The following WDR25 variants were observed in gnomAD, a reference collection of about 807,000 sequenced individuals.
WDR25 encodes WD repeat-containing protein 25.
In WDR25, 35 loss-of-function variants were observed where a neutral mutation model predicts 47.7. The ratio of observed to expected loss-of-function variants is 0.73; its 90% CI spans 0.56 to 0.97. The LOEUF is 0.97. WDR25 is among the 50% of genes least tolerant of loss of function. The pLI is 0.00. For synonymous variants in WDR25, 248 were observed against 278.9 expected, an observed-to-expected ratio of 0.89 and a Z score of 1.10; for missense variants, 634 against 704.7, an observed-to-expected ratio of 0.90 and a Z score of 1.14.
In WDR25 at chr14:100,525,792, T is replaced by C; in HGVS notation, c.1102-78T>C. ...AACTTCACTAAACCTGCCTGCCCCC[T>C]GGGTCCTTGGCCTTCCCTGCATAGG... On this transcript the variant is annotated intron_variant, in intron 4 of 6. Transcript: ENST00000402312. This position sits in a 1 kb window ranked among gnomAD's most constrained non-coding sequence, Gnocchi z 4.6. The C allele has an allele frequency of 6.4e-7, 1 of 1,550,580 alleles. No individual in the cohort carries two copies. The highest frequency in any genetic ancestry group is 2.2e-4 in the Middle Eastern group (1 of 4,608).
intron 2 of WDR25, among the ~76,000 whole-genome samples, chr14:100,421,913 G>A (rs985717380): frequency 1.3e-5 from 2 of 152,162 alleles, no homozygotes; most frequent in African/African-American, 4.8e-5. Flanking sequence ...TCATTGGTGT[G>A]TGGGATTCCA....
chr14:100,435,552 CT>C (rs2140238313), intron 2 of WDR25, among the ~76,000 whole-genome samples: 1 of 152,330 alleles, frequency 6.6e-6, no homozygotes, highest in Admixed American at 6.5e-5. Flanking sequence ...GCTCACTCAG[CT>C]GTCTTGAAGT....
chr14:100,483,465 A>G (rs7146840), intron 3 of WDR25, among the ~76,000 whole-genome samples: 99,732 of 151,996 alleles, frequency 0.66, 33,147 homozygotes, highest in African/African-American at 0.74. Flanking sequence ...ATCGCCCAGC[A>G]TCTCAGGCCA....
chr14:100,492,185 A>G (rs1900588424), intron 4 of WDR25, among the ~76,000 whole-genome samples: 1 of 152,224 alleles, frequency 6.6e-6, no homozygotes, highest in Admixed American at 6.5e-5. Context: ...CTCAATATTC[A>G]GTGGATCCAT....
chr14:100,394,211 C>T (rs574890119), intron 2 of WDR25, among the ~76,000 whole-genome samples: 11 of 152,274 alleles, frequency 7.2e-5, no homozygotes, highest in African/African-American at 2.4e-4. Context: ...TAATCCGGTG[C>T]GCACCCAGTG....
At chr14:100,381,939 C>G (rs1441768678) in intron 2 of WDR25, 193 bp downstream of exon 2, 1 of 633,996 alleles carries the variant, frequency 1.6e-6, no homozygotes, top group African/African-American at 1.8e-5. Context: ...CCAACCCTTC[C>G]CTGATGCTGC....
intron 2 of WDR25, among the ~76,000 whole-genome samples, chr14:100,416,545 G>A (rs936211242): frequency 6.6e-6 from 1 of 152,066 alleles, no homozygotes; most frequent in Non-Finnish European, 1.5e-5. Flanking sequence ...ACCCTTTTAG[G>A]CCTTTTCCCT....
rs1385613796 is a variant in WDR25 at position 100,424,182 on chromosome 14, G to T, written c.822+42436G>T. Among the ~76,000 whole-genome samples, 5 of 152,200 alleles carry T rather than the reference G, an allele frequency of 3.3e-5. No homozygotes were observed. The highest frequency in any genetic ancestry group is 1.2e-4 in the African/African-American group (5 of 41,452). On this transcript the variant is annotated intron_variant, in intron 2 of 6. Transcript: ENST00000402312. The surrounding 1 kb of genome is among the most constrained non-coding windows in gnomAD (Gnocchi z 4.2). ...CGGGCGAGGCCTCCCAGGCTGGCTG[G>T]GTGAGTGTTCCTGAGCCCAGGCACT...
chr14:100,413,053 C>A (rs1282144689), intron 2 of WDR25, among the ~76,000 whole-genome samples: 1 of 152,192 alleles, frequency 6.6e-6, no homozygotes, highest in Non-Finnish European at 1.5e-5. Context: ...TGGTCCCAGA[C>A]TCCTAACCTC....
intron 2 of WDR25, among the ~76,000 whole-genome samples, chr14:100,429,904 T>G (rs1183426409): frequency 6.6e-6 from 1 of 152,086 alleles, no homozygotes; most frequent in Non-Finnish European, 1.5e-5. Flanking sequence ...AGGGCCTAAC[T>G]TATATGACCT....
intron 2 of WDR25, among the ~76,000 whole-genome samples, chr14:100,395,161 C>T (rs914463446): frequency 2.6e-5 from 4 of 152,152 alleles, no homozygotes; most frequent in Non-Finnish European, 5.9e-5. Context: ...CTGGGTCAGG[C>T]ACCACACAGG....
At chr14:100,507,493 C>A (rs1023445302) in intron 4 of WDR25, among the ~76,000 whole-genome samples, 1 of 152,028 alleles carries the variant, frequency 6.6e-6, no homozygotes, top group Non-Finnish European at 1.5e-5. Context: ...GTGCTTTGGG[C>A]AGTATGGTCA....
intron 2 of WDR25, among the ~76,000 whole-genome samples, chr14:100,433,878 A>G (rs1052905156): frequency 3.3e-5 from 5 of 152,150 alleles, no homozygotes; most frequent in African/African-American, 1.2e-4. Context: ...CCAGTCCTAG[A>G]ATCAGCCATC....
rs1206946333 is a variant in WDR25 at position 100,404,874 on chromosome 14, T to C, written c.822+23128T>C. Among the ~76,000 whole-genome samples the C allele has an allele frequency of 1.3e-5, 2 of 152,126 alleles. No homozygotes were observed. The highest frequency in any genetic ancestry group is 4.8e-5 in the African/African-American group (2 of 41,422). On this transcript the variant is annotated intron_variant, in intron 2 of 6. Coordinates refer to ENST00000402312, the MANE Select transcript of WDR25 (RefSeq NM_001161476.3). The surrounding 1 kb of genome is among the most constrained non-coding windows in gnomAD (Gnocchi z 4.6). ...GGGCCCATCCCTCCTGTGAGTGACATGGTTATTCCTTGTATCATTGTCTGA... is the reference window on the plus strand; with the variant it reads ...GGGCCCATCCCTCCTGTGAGTGACACGGTTATTCCTTGTATCATTGTCTGA...
At chr14:100,402,533 G>A (rs1464099551) in intron 2 of WDR25, among the ~76,000 whole-genome samples, 2 of 152,116 alleles carry the variant, frequency 1.3e-5, no homozygotes, top group African/African-American at 2.4e-5. Flanking sequence ...GGGGCCAGGG[G>A]TCCAAATGGG....
chr14:100,487,698 G>A (rs918856503), intron 4 of WDR25: 1 of 152,220 alleles, frequency 6.6e-6, no homozygotes, highest in African/African-American at 2.4e-5. Context: ...CCTTCAGTCA[G>A]GGGTGTATAA....
At chr14:100,433,886 A>G (rs1275864306) in intron 2 of WDR25, among the ~76,000 whole-genome samples, 1 of 152,152 alleles carries the variant, frequency 6.6e-6, no homozygotes, top group East Asian at 1.9e-4. Flanking sequence ...AGAATCAGCC[A>G]TCTCCAAGGA....
intron 2 of WDR25, among the ~76,000 whole-genome samples, chr14:100,417,228 G>A (rs180836292): frequency 1.3e-5 from 2 of 152,330 alleles, no homozygotes; most frequent in African/African-American, 2.4e-5. Context: ...TTACTTGTGC[G>A]TGTCTCCTGT....
At chr14:100,400,160 C>T (rs1311332604) in intron 2 of WDR25, among the ~76,000 whole-genome samples, 2 of 152,208 alleles carry the variant, frequency 1.3e-5, no homozygotes, top group Admixed American at 1.3e-4. Flanking sequence ...CACATTTCCT[C>T]CTCTGGAGGA....
Sources: allele counts gnomAD v4.1 joint callset (sites outside exome capture counted in the v4.1 genomes callset), GRCh38; gene constraint gnomAD v4.1.1; non-coding constraint Gnocchi (gnomAD v3.1); transcripts MANE v1.5; gene names NCBI Gene and HGNC (gene_info 2026-07-23, HGNC 2026-07-21).